The following SGCZ variants were observed in gnomAD, a reference collection of about 807,000 sequenced individuals.
SGCZ encodes sarcoglycan zeta, also known as zeta-sarcoglycan.
In SGCZ, 40 loss-of-function variants were observed where a neutral mutation model predicts 41.3. The observed-to-expected ratio is 0.97, with a 90% CI of 0.75 to 1.26. The LOEUF (loss-of-function observed/expected upper bound fraction) is 1.26. Among genes scored for constraint, SGCZ ranks in the 50% most tolerant of loss-of-function variants. The pLI, the probability that SGCZ is intolerant of heterozygous loss-of-function variation, is 0.00. For missense variants in SGCZ, 552 were observed against 369.8 expected (o/e 1.49, Z -4.04); for synonymous variants, 206 against 137.5 (o/e 1.50, Z -3.49).
rs999533255 is a variant in SGCZ, at chr8:14,236,821, T to G, written c.424+771A>C. Reference sequence around the variant, plus strand: ...AATTACAAATTACTTCTTATTTGCCTTCTTATAAAAATTGAGTCAAGGAAT... The same window carrying G: ...AATTACAAATTACTTCTTATTTGCCGTCTTATAAAAATTGAGTCAAGGAAT... On this transcript the variant is annotated intron_variant, in intron 4 of 7. Transcript: ENST00000382080. 4.6e-5 allele frequency among the ~76,000 whole-genome samples: 7 copies of G among 151,638 alleles called. 1 individual carries two copies. The highest frequency in any genetic ancestry group is 7.4e-5 in the Non-Finnish European group (5 of 67,790).
At chr8:14,857,940 T>A (rs1803598156) in intron 1 of SGCZ, among the ~76,000 whole-genome samples, 3 of 152,142 alleles carry the variant, frequency 2.0e-5, no homozygotes, top group African/African-American at 4.8e-5. Context: ...CACTTGAATC[T>A]TTTGGAATGG....
In SGCZ at chr8:14,912,923, T is replaced by G. The variant is rs1032072752; in HGVS notation, c.39+324662A>C. Among the ~76,000 whole-genome samples the G allele has an allele frequency of 7.2e-5, 11 of 152,080 alleles. No individual in the cohort carries two copies. In the East Asian group the frequency reaches 1.9e-3, roughly 27 times the overall value. ...AAAAGAAAAGACTAACACTCCACAGTGAGAGAATAAATTGAGTAGCCACGC... is the reference window on the plus strand; with the variant it reads ...AAAAGAAAAGACTAACACTCCACAGGGAGAGAATAAATTGAGTAGCCACGC... On this transcript the variant is annotated intron_variant, in intron 1 of 7. Transcript: ENST00000382080.
At chr8:15,138,015 C>T (rs527291194) in intron 1 of SGCZ, among the ~76,000 whole-genome samples, 7 of 152,256 alleles carry the variant, frequency 4.6e-5, no homozygotes, top group African/African-American at 1.7e-4. Context: ...GGGGACTGTA[C>T]CCTACAAAGC....
chr8:14,801,156 G>A (rs1171553740), intron 1 of SGCZ, among the ~76,000 whole-genome samples: 1 of 152,152 alleles, frequency 6.6e-6, no homozygotes, highest in African/African-American at 2.4e-5. Flanking sequence ...GATCGCATTG[G>A]TCATGTATAT....
chr8:14,406,976 C>G (rs1170818799), intron 2 of SGCZ, among the ~76,000 whole-genome samples: 1 of 151,952 alleles, frequency 6.6e-6, no homozygotes, highest in Non-Finnish European at 1.5e-5. Context: ...AGCCAAGAAC[C>G]CTCTAGGACT....
intron 1 of SGCZ, among the ~76,000 whole-genome samples, chr8:15,040,562 A>T (rs1804055347): frequency 6.6e-6 from 1 of 152,180 alleles, no homozygotes; most frequent in Non-Finnish European, 1.5e-5. Flanking sequence ...GGTTGGTTGC[A>T]GTGAGCCGAG....
chr8:14,527,541 C>G (rs192008253), intron 2 of SGCZ, among the ~76,000 whole-genome samples: 2 of 148,796 alleles, frequency 1.3e-5, no homozygotes, highest in African/African-American at 5.2e-5. Flanking sequence ...AAAATATTCA[C>G]CTTTTTTTAA....
At chr8:15,138,497 C>A (rs1206553441) in intron 1 of SGCZ, among the ~76,000 whole-genome samples, 1 of 152,160 alleles carries the variant, frequency 6.6e-6, no homozygotes, top group South Asian at 2.1e-4. Context: ...CTCCCATAAT[C>A]CCCACGGGTC....
At chr8:14,871,404 T>G (rs1804145670) in intron 1 of SGCZ, among the ~76,000 whole-genome samples, 1 of 152,168 alleles carries the variant, frequency 6.6e-6, no homozygotes. Flanking sequence ...CAAAGGATCA[T>G]AAATCATTCT....
intron 1 of SGCZ, among the ~76,000 whole-genome samples, chr8:15,137,374 G>C (rs1808151537): frequency 6.6e-6 from 1 of 152,202 alleles, no homozygotes; most frequent in African/African-American, 2.4e-5. Flanking sequence ...AGAAATTCAA[G>C]CCTGCTACAG....
intron 4 of SGCZ, among the ~76,000 whole-genome samples, chr8:14,188,826 T>C (rs1420079324): frequency 1.9e-5 from 1 of 53,552 alleles, no homozygotes; most frequent in Non-Finnish European, 3.0e-5. Flanking sequence ...GTTTCTTTGT[T>C]TTTTTTTGTT....
At chr8:15,131,817 T>C (rs2116974843) in intron 1 of SGCZ, among the ~76,000 whole-genome samples, 1 of 152,296 alleles carries the variant, frequency 6.6e-6, no homozygotes, top group Non-Finnish European at 1.5e-5. Flanking sequence ...AAAAAACATC[T>C]TGAGAAGAAT....
At chr8:14,447,703 C>G (rs565366617) in intron 2 of SGCZ, among the ~76,000 whole-genome samples, 1 of 152,046 alleles carries the variant, frequency 6.6e-6, no homozygotes, top group African/African-American at 2.4e-5. Context: ...TTTTAAATGA[C>G]AGTATTTGGT....
chr8:14,603,044 C>G (rs1805643181), intron 1 of SGCZ, among the ~76,000 whole-genome samples: 1 of 152,096 alleles, frequency 6.6e-6, no homozygotes. Context: ...TTCAGAGACA[C>G]TAGGAGGATT....
intron 2 of SGCZ, among the ~76,000 whole-genome samples, chr8:14,388,875 T>C (rs762965417): frequency 6.6e-5 from 10 of 150,656 alleles, no homozygotes; most frequent in South Asian, 2.1e-4. Context: ...GTGAAAGAGA[T>C]TGAGGTTATT....
At chr8:14,416,198 G>C (rs118154540) in intron 2 of SGCZ, among the ~76,000 whole-genome samples, 3,749 of 151,914 alleles carry the variant, frequency 0.025, 72 homozygotes, top group Non-Finnish European at 0.038. Context: ...ATCAGAATGA[G>C]GAAACACATT....
At chr8:15,193,411 G>C (rs899918766) in intron 1 of SGCZ, among the ~76,000 whole-genome samples, 1 of 151,988 alleles carries the variant, frequency 6.6e-6, no homozygotes, top group Non-Finnish European at 1.5e-5. Flanking sequence ...AATATCCTTT[G>C]AGTATTTTCT....
intron 1 of SGCZ, among the ~76,000 whole-genome samples, chr8:14,932,530 G>A (rs1389908076): frequency 2.0e-5 from 3 of 151,898 alleles, no homozygotes; most frequent in African/African-American, 7.3e-5. Context: ...GAGAAAGAAG[G>A]GAAGGGGCAA....
In SGCZ at chr8:14,870,770, C is replaced by T. The variant is rs549377445; in HGVS notation, c.40-315844G>A. Among the ~76,000 whole-genome samples the T allele has an allele frequency of 7.9e-5, 12 of 150,952 alleles. No homozygotes were observed. The East Asian group carries it at 2.1e-3, about 27-fold the overall frequency. ...CCTGTCAAAAAGTGGGTGAAGAATACGAACAGACACTTCACAAAAGAAGAC... is the reference window on the plus strand; with the variant it reads ...CCTGTCAAAAAGTGGGTGAAGAATATGAACAGACACTTCACAAAAGAAGAC... On this transcript the variant is annotated intron_variant, in intron 1 of 7. Transcript: ENST00000382080.
Sources: gnomAD v4.1 joint callset for allele counts (sites outside exome capture counted in the v4.1 genomes callset) on GRCh38, gnomAD v4.1.1 for gene constraint, MANE v1.5 for transcripts, NCBI Gene and HGNC (gene_info 2026-07-23, HGNC 2026-07-21) for gene names.